Variants in APBA2 observed in about 807,000 individuals in gnomAD.
APBA2 encodes the protein amyloid-beta A4 precursor protein-binding family A member 2.
Under a neutral mutation model 75.0 loss-of-function variants are expected in APBA2, and 30 were observed. That is an observed-to-expected ratio of 0.40 (90% confidence interval 0.30 to 0.54). The LOEUF (loss-of-function observed/expected upper bound fraction) is 0.54. Among genes scored for constraint, APBA2 ranks in the 20% least tolerant of loss-of-function variants. APBA2 has a pLI of 0.49. For synonymous variants in APBA2, 444 were observed against 409.6 expected, an observed-to-expected ratio of 1.08 and a Z score of -1.01; for missense variants, 801 against 1,016.1, an observed-to-expected ratio of 0.79 and a Z score of 2.88.
chr15:28,964,492 T>C (rs2036635330), intron 2 of APBA2, among the ~76,000 whole-genome samples: 1 of 142,540 alleles, frequency 7.0e-6, no homozygotes, highest in Admixed American at 8.2e-5. Flanking sequence ...TTGCTCATTT[T>C]TTTTTTTTTT....
intron 6 of APBA2, among the ~76,000 whole-genome samples, chr15:29,091,263 G>A (rs1319629143): frequency 2.0e-5 from 3 of 152,146 alleles, no homozygotes; most frequent in Non-Finnish European, 2.9e-5. Flanking sequence ...TCAGTTAGAT[G>A]CACAGGGGAG....
chr15:29,007,215 A>G (rs1474735986), intron 3 of APBA2, among the ~76,000 whole-genome samples: 3 of 152,192 alleles, frequency 2.0e-5, no homozygotes, highest in Non-Finnish European at 2.9e-5. Flanking sequence ...TAAAAACAAC[A>G]CAAGAGAATA....
intron 13 of APBA2, among the ~76,000 whole-genome samples, chr15:29,112,823 C>G (rs1254556680): frequency 6.6e-6 from 1 of 152,168 alleles, no homozygotes; most frequent in Non-Finnish European, 1.5e-5. Context: ...TCCTCCTCCC[C>G]AACAGGAACT....
chr15:28,896,006 G>A (rs146642369), intron 1 of APBA2, among the ~76,000 whole-genome samples: 4,629 of 152,166 alleles, frequency 0.03, 199 homozygotes, highest in African/African-American at 0.095. Flanking sequence ...CTAGCTACTC[G>A]GGAGGCTGAG....
At chr15:29,036,479 G>A (rs1394861539) in intron 3 of APBA2, among the ~76,000 whole-genome samples, 1 of 152,094 alleles carries the variant, frequency 6.6e-6, no homozygotes, top group Non-Finnish European at 1.5e-5. Flanking sequence ...GGGGTGGTGG[G>A]AGCAGCTCTG....
intron 4 of APBA2, among the ~76,000 whole-genome samples, chr15:29,069,849 T>G (rs769305766): frequency 3.9e-5 from 6 of 152,350 alleles, no homozygotes; most frequent in Middle Eastern, 3.4e-3. Flanking sequence ...AGTGACAAGT[T>G]TAGATAAATA....
At chr15:28,907,370 G>A (rs1177481166) in intron 1 of APBA2, among the ~76,000 whole-genome samples, 1 of 152,210 alleles carries the variant, frequency 6.6e-6, no homozygotes, top group African/African-American at 2.4e-5. Flanking sequence ...TACCGTACAA[G>A]TTACTGTGGC....
intron 2 of APBA2, among the ~76,000 whole-genome samples, chr15:28,957,456 T>C (rs2036235157): frequency 6.6e-6 from 1 of 152,234 alleles, no homozygotes; most frequent in Non-Finnish European, 1.5e-5. Flanking sequence ...ATTCTATTTT[T>C]AATGTTTTAA....
At chr15:28,897,546 A>C (rs912527063) in intron 1 of APBA2, among the ~76,000 whole-genome samples, 2 of 131,896 alleles carry the variant, frequency 1.5e-5, no homozygotes, top group African/African-American at 5.9e-5. Flanking sequence ...TGAACCCGGG[A>C]GGTGGAGGTT....
intron 3 of APBA2, among the ~76,000 whole-genome samples, chr15:29,007,423 A>G (rs548153216): frequency 1.3e-5 from 2 of 152,348 alleles, no homozygotes; most frequent in African/African-American, 4.8e-5. Flanking sequence ...CAAAGGACAC[A>G]GTCAGCAGTG....
chr15:28,970,836 A>G (rs2037026740), intron 2 of APBA2, among the ~76,000 whole-genome samples: 1 of 152,032 alleles, frequency 6.6e-6, no homozygotes, highest in Non-Finnish European at 1.5e-5. Flanking sequence ...GAAGGAGGAA[A>G]GGGAGTCCCC....
intron 3 of APBA2, among the ~76,000 whole-genome samples, chr15:29,047,629 A>C (rs1398322382): frequency 6.6e-6 from 1 of 152,216 alleles, no homozygotes; most frequent in Admixed American, 6.5e-5. Flanking sequence ...GCAATGAGGA[A>C]TAAGTCAAGG....
chr15:28,886,794 A>G (rs998771159), intron 1 of APBA2, among the ~76,000 whole-genome samples: 1 of 152,048 alleles, frequency 6.6e-6, no homozygotes, highest in Non-Finnish European at 1.5e-5. Context: ...GGGAAAACTT[A>G]TCAATTCAAA....
intron 4 of APBA2, 99 bp from the exon 5 acceptor site, chr15:29,074,822 C>G: frequency 1.0e-6 from 1 of 1,002,770 alleles, no homozygotes; most frequent in Non-Finnish European, 1.6e-6. Context: ...CAGACATACA[C>G]ATGCATTTTA....
chr15:29,094,186 AGT>A (rs2043727838), intron 7 of APBA2, 90 bp from the exon 8 acceptor site: 4 of 1,375,050 alleles, frequency 2.9e-6, no homozygotes, highest in South Asian at 2.3e-5. Flanking sequence ...CAGACCTGAG[AGT>A]GGGGGCATCA....
intron 4 of APBA2, among the ~76,000 whole-genome samples, chr15:29,065,031 G>A (rs1381927585): frequency 1.3e-5 from 2 of 151,758 alleles, no homozygotes; most frequent in Admixed American, 1.3e-4. Flanking sequence ...GTGTGTGCAC[G>A]CACGCTTGTA....
intron 6 of APBA2, among the ~76,000 whole-genome samples, chr15:29,076,395 C>T (rs1003350956): frequency 1.3e-4 from 19 of 151,560 alleles, no homozygotes; most frequent in African/African-American, 4.4e-4. Flanking sequence ...TTATAAGCAG[C>T]TGGTTATAGC....
intron 7 of APBA2, 96 bp downstream of exon 7, chr15:29,093,316 G>T (rs1300314853): frequency 6.6e-7 from 1 of 1,514,038 alleles, no homozygotes; most frequent in Non-Finnish European, 9.0e-7. Context: ...CTTCCAGCTC[G>T]GACTGCACAG....
chr15:28,993,603 C>T (rs1218171367), intron 2 of APBA2, among the ~76,000 whole-genome samples: 11 of 152,176 alleles, frequency 7.2e-5, no homozygotes, highest in African/African-American at 2.4e-4. Context: ...GGCCTGCTTC[C>T]TCTTATGGAA....
Sources: allele counts gnomAD v4.1 joint callset (sites outside exome capture counted in the v4.1 genomes callset), GRCh38; gene constraint gnomAD v4.1.1; transcripts MANE v1.5; gene names NCBI Gene and HGNC (gene_info 2026-07-23, HGNC 2026-07-21).